The following COBL variants were observed in gnomAD, a reference collection of about 807,000 sequenced individuals.
COBL encodes protein cordon-bleu.
COBL carries 51 observed loss-of-function variants against 98.8 expected under a neutral mutation model. The observed-to-expected ratio is 0.52, with a 90% CI of 0.41 to 0.65. The LOEUF is 0.65. Ranked by LOEUF, COBL falls within the 30% of genes least tolerant of loss-of-function variation. The pLI is 0.00. For synonymous variants in COBL, 634 were observed against 651.7 expected, an observed-to-expected ratio of 0.97 and a Z score of 0.41; for missense variants, 1,617 against 1,617.5, an observed-to-expected ratio of 1.00 and a Z score of 0.01.
intron 6 of COBL, among the ~76,000 whole-genome samples, chr7:51,111,596 T>C (rs1291441412): frequency 6.6e-6 from 1 of 152,174 alleles, no homozygotes; most frequent in East Asian, 1.9e-4. Flanking sequence ...AACTGTCCTG[T>C]CCTCACGACC....
chr7:51,287,287 AAAAC>A (rs1382336521), intron 1 of COBL, among the ~76,000 whole-genome samples: 10 of 152,378 alleles, frequency 6.6e-5, no homozygotes, highest in South Asian at 4.1e-4. Flanking sequence ...ACAGAATAAG[AAAAC>A]AAACAACCCT....
intron 1 of COBL, among the ~76,000 whole-genome samples, chr7:51,281,917 T>C (rs936658805): frequency 3.3e-5 from 5 of 152,114 alleles, no homozygotes; most frequent in Non-Finnish European, 7.4e-5. Context: ...ATGTAACACA[T>C]AACCATGAAG....
chr7:51,115,303 T>C (rs1583844218), intron 6 of COBL, among the ~76,000 whole-genome samples: 1 of 152,134 alleles, frequency 6.6e-6, no homozygotes, highest in Non-Finnish European at 1.5e-5. Context: ...TTTTATTATA[T>C]CTCTCTTTCT....
intron 5 of COBL, among the ~76,000 whole-genome samples, chr7:51,182,109 G>GTGAGGAA (rs530372485): frequency 1.2e-4 from 19 of 152,112 alleles, no homozygotes; most frequent in African/African-American, 4.3e-4. Flanking sequence ...AGGTCTAAGG[G>GTGAGGAA]TGAGGAATGA....
intron 2 of COBL, among the ~76,000 whole-genome samples, chr7:51,202,978 T>G (rs1221632402): frequency 6.6e-6 from 1 of 152,028 alleles, no homozygotes. Context: ...AGGGCAGAGC[T>G]TGCAGTGATC....
Position 51,025,216 on chromosome 7 carries a change from T to C in COBL, c.3661A>G (p.Arg1221Gly), listed in dbSNP as rs199986848. ...PPPSQALSAP[R>G]TASRFSTGTL... is the part of the protein sequence containing the mutation. ...CCCGTGCTGAACCTGGAGGCCGTCC[T>C]TGGTGCAGAGAGAGCCTGGGAGGGT... is the stretch of plus-strand genomic sequence containing the variant. Residue 1221 changes from arginine to glycine, a missense_variant, in exon 12 of 13, where the codon AGG (arginine) becomes GGG (glycine). By Grantham distance (125) the Arg-to-Gly change is moderately radical (BLOSUM62 -2). Around this residue, in one of 3 missense-constraint regions of COBL, gnomAD observed 1,304 missense variants for 1,282.0 expected, o/e 1.02. Transcript: ENST00000265136. 4.4e-6 allele frequency: 7 copies of C among 1,599,426 alleles called. No individual in the cohort carries two copies. The African/African-American group carries it at 9.5e-5, about 22-fold the overall frequency.
chr7:51,276,639 C>T (rs2129171066), intron 1 of COBL, among the ~76,000 whole-genome samples: 1 of 152,350 alleles, frequency 6.6e-6, no homozygotes, highest in Middle Eastern at 3.4e-3. Context: ...AGACACAACC[C>T]ACTGCCCGCA....
rs117841890 is a variant in COBL, at chr7:51,241,160, A to C, written c.42-21216T>G. Among the ~76,000 whole-genome samples, 1,219 of 152,370 alleles carry C rather than the reference A, an allele frequency of 8.0e-3. 58 individuals are homozygous for C. The South Asian group carries it at 0.13, about 17-fold the overall frequency. On this transcript the variant is annotated intron_variant, in intron 1 of 12. Transcript: ENST00000265136. Reference sequence around the variant, plus strand: ...GTCCTGCACCATCTGTTGTTTTTTAAGGATTATTAGAGAGAGCAAATTCCA... The same window carrying C: ...GTCCTGCACCATCTGTTGTTTTTTACGGATTATTAGAGAGAGCAAATTCCA...
intron 1 of COBL, among the ~76,000 whole-genome samples, chr7:51,227,377 T>G (rs1794309879): frequency 6.6e-6 from 1 of 152,114 alleles, no homozygotes; most frequent in South Asian, 2.1e-4. Context: ...TGCCCCGGCA[T>G]GACATGAGGT....
chr7:51,071,043 T>G (rs1431534674), intron 7 of COBL: 1 of 152,196 alleles, frequency 6.6e-6, no homozygotes, highest in Non-Finnish European at 1.5e-5. Flanking sequence ...TAATGCATAG[T>G]TTTTCTTTTA....
chr7:51,306,258 C>A (rs1802464106), intron 1 of COBL, among the ~76,000 whole-genome samples: 1 of 152,094 alleles, frequency 6.6e-6, no homozygotes, highest in Non-Finnish European at 1.5e-5. Context: ...CCTCTAGAAG[C>A]CCCGATACTG....
chr7:51,079,106 C>T (rs992256644), intron 7 of COBL, among the ~76,000 whole-genome samples: 6 of 152,134 alleles, frequency 3.9e-5, no homozygotes, highest in African/African-American at 1.4e-4. Flanking sequence ...GGGGTGAACA[C>T]AGGAGGTGGG....
chr7:51,244,842 G>T (rs1165987920), intron 1 of COBL, among the ~76,000 whole-genome samples: 1 of 152,080 alleles, frequency 6.6e-6, no homozygotes, highest in African/African-American at 2.4e-5. Flanking sequence ...CCTTCACCAC[G>T]CCTCTGTCTG....
intron 1 of COBL, among the ~76,000 whole-genome samples, chr7:51,275,850 T>G (rs1174000017): frequency 6.6e-6 from 1 of 152,228 alleles, no homozygotes; most frequent in Non-Finnish European, 1.5e-5. Context: ...CACAGCCTGA[T>G]TAGGGGCTGT....
chr7:51,080,778 G>A (rs1793573546), intron 7 of COBL, among the ~76,000 whole-genome samples: 1 of 152,126 alleles, frequency 6.6e-6, no homozygotes, highest in Non-Finnish European at 1.5e-5. Context: ...GTTTGCTCAG[G>A]AGCCCAGGGG....
intron 5 of COBL, among the ~76,000 whole-genome samples, chr7:51,145,995 C>T (rs954787958): frequency 1.3e-5 from 2 of 151,918 alleles, no homozygotes; most frequent in Non-Finnish European, 2.9e-5. Context: ...TCACAGCACA[C>T]TGCCCAGGCT....
chr7:51,223,540 C>A (rs1793868405), intron 1 of COBL, among the ~76,000 whole-genome samples: 1 of 152,194 alleles, frequency 6.6e-6, no homozygotes, highest in African/African-American at 2.4e-5. Flanking sequence ...CAGCCCTAGA[C>A]CTGAACCATT....
At chr7:51,160,262 T>C (rs1158097114) in intron 5 of COBL, among the ~76,000 whole-genome samples, 1 of 152,226 alleles carries the variant, frequency 6.6e-6, no homozygotes, top group Non-Finnish European at 1.5e-5. Context: ...TTAAGGTCTA[T>C]TTACTTTCCA....
chr7:51,265,113 A>G (rs1295518340), intron 1 of COBL, among the ~76,000 whole-genome samples: 5 of 152,134 alleles, frequency 3.3e-5, no homozygotes, highest in Non-Finnish European at 7.4e-5. Flanking sequence ...CCCACTCAAG[A>G]AAGTCTACAC....
Sources: gnomAD v4.1 joint callset for allele counts (sites outside exome capture counted in the v4.1 genomes callset) on GRCh38, gnomAD v4.1.1 for gene constraint, gnomAD v4.1.1 regional missense constraint, MANE v1.5 for transcripts, NCBI Gene and HGNC (gene_info 2026-07-23, HGNC 2026-07-21) for gene names.